Variants in DIAPH3 observed in about 807,000 individuals in gnomAD.
DIAPH3 encodes diaphanous related formin 3, also known as protein diaphanous homolog 3.
A neutral mutation model predicts 144.3 loss-of-function variants in DIAPH3; 117 were observed. That is an observed-to-expected ratio of 0.81 (90% CI 0.70 to 0.95). The LOEUF (loss-of-function observed/expected upper bound fraction) is 0.95. Ranked by LOEUF, DIAPH3 falls within the 40% of genes least tolerant of loss-of-function variation. The pLI is 0.00. For missense variants in DIAPH3, 1,421 were observed against 1,412.7 expected, an observed-to-expected ratio of 1.01 and a Z score of -0.09; for synonymous variants, 519 against 488.9, an observed-to-expected ratio of 1.06 and a Z score of -0.81.
At chr13:59,714,252 T>G (rs568517771) in intron 27 of DIAPH3, among the ~76,000 whole-genome samples, 1 of 147,616 alleles carries the variant, frequency 6.8e-6, no homozygotes, top group East Asian at 2.0e-4. Context: ...CCCAGCTACT[T>G]GGGAGGCTGA....
chr13:60,060,765 C>T (rs1042142920), intron 4 of DIAPH3, among the ~76,000 whole-genome samples: 3 of 151,970 alleles, frequency 2.0e-5, no homozygotes, highest in African/African-American at 7.2e-5. Flanking sequence ...CCTAAATTTA[C>T]TCAACTACCA....
At chr13:60,046,138 A>T (rs1306890021) in intron 4 of DIAPH3, among the ~76,000 whole-genome samples, 1 of 152,202 alleles carries the variant, frequency 6.6e-6, no homozygotes, top group Non-Finnish European at 1.5e-5. Context: ...ATTGAACCAA[A>T]AGATGCCATT....
rs1002183897 is a variant in DIAPH3, at chr13:60,163,736, G to A, written c.31C>T (p.Pro11Ser). The A allele has an allele frequency of 6.9e-6, 11 of 1,605,134 alleles. No individual in the cohort carries two copies. Among genetic ancestry groups the A allele is most frequent in the Admixed American group, 1.7e-5 (1 of 58,912 alleles). The change falls in exon 1 of 28, where the codon CCG (proline) becomes TCG (serine). Residue 11 changes from proline (P) to serine (S), a missense_variant. Pro to Ser is a moderately conservative substitution (Grantham distance 74). Transcript: ENST00000400324. The stretch of plus-strand genomic sequence containing the variant: ...GTCCCAGCGGCTGAGCCTTGGGCCG[G>A]GTGGTGCAGCCGCGGCTGGTGCCGT... MERHQPRLHH[P>S]AQGSAAGTPY...
chr13:59,670,069 G>A (rs191646385), intron 27 of DIAPH3, among the ~76,000 whole-genome samples: 6 of 152,226 alleles, frequency 3.9e-5, no homozygotes, highest in Non-Finnish European at 8.8e-5. Flanking sequence ...GGAGACAAAG[G>A]TAAATAATAA....
chr13:59,827,109 G>A (rs1335926027), intron 24 of DIAPH3, among the ~76,000 whole-genome samples: 1 of 152,052 alleles, frequency 6.6e-6, no homozygotes, highest in Non-Finnish European at 1.5e-5. Context: ...TACCATTCAC[G>A]ACATAGGCAT....
intron 15 of DIAPH3, among the ~76,000 whole-genome samples, chr13:59,972,401 T>C (rs1305211200): frequency 1.3e-5 from 2 of 152,338 alleles, no homozygotes; most frequent in South Asian, 2.1e-4. Context: ...TTTTGTAATA[T>C]GAGTAGCTTC....
At chr13:59,899,858 T>C (rs913579394) in intron 20 of DIAPH3, among the ~76,000 whole-genome samples, 5 of 143,940 alleles carry the variant, frequency 3.5e-5, no homozygotes, top group Admixed American at 1.5e-4. Flanking sequence ...TAAGTCACAG[T>C]TGAAATTTCA....
At chr13:60,031,987 C>T (rs540178888) in intron 5 of DIAPH3, among the ~76,000 whole-genome samples, 8 of 152,086 alleles carry the variant, frequency 5.3e-5, no homozygotes, top group Admixed American at 2.0e-4. Context: ...CATGATCCAC[C>T]GCCTTGGCCT....
At chr13:59,879,839 T>C (rs1170737149) in intron 20 of DIAPH3, among the ~76,000 whole-genome samples, 1 of 152,196 alleles carries the variant, frequency 6.6e-6, no homozygotes, top group Non-Finnish European at 1.5e-5. Flanking sequence ...AATACTGCAA[T>C]ATACTGGGTC....
intron 27 of DIAPH3, among the ~76,000 whole-genome samples, chr13:59,691,224 A>AT (rs1388397570): frequency 6.6e-6 from 1 of 152,082 alleles, no homozygotes; most frequent in Non-Finnish European, 1.5e-5. Context: ...ATCTTTTTGG[A>AT]TTTTCCAAAG....
intron 2 of DIAPH3, among the ~76,000 whole-genome samples, chr13:60,116,406 G>A (rs1354655465): frequency 6.6e-6 from 1 of 151,900 alleles, no homozygotes; most frequent in Non-Finnish European, 1.5e-5. Flanking sequence ...ATGTACATTT[G>A]TACCCTCATT....
At chr13:59,857,090 T>C (rs2043301298) in intron 22 of DIAPH3, among the ~76,000 whole-genome samples, 1 of 152,180 alleles carries the variant, frequency 6.6e-6, no homozygotes, top group Non-Finnish European at 1.5e-5. Flanking sequence ...ATTAAACTAA[T>C]AACTAATACT....
chr13:59,904,232 C>G (rs2046608786), intron 20 of DIAPH3, among the ~76,000 whole-genome samples: 1 of 152,112 alleles, frequency 6.6e-6, no homozygotes, highest in Non-Finnish European at 1.5e-5. Context: ...ATGTTAGGAA[C>G]TGCTTCATTT....
At chr13:60,040,733 C>A (rs1188340562) in intron 5 of DIAPH3, among the ~76,000 whole-genome samples, 2 of 152,100 alleles carry the variant, frequency 1.3e-5, no homozygotes, top group African/African-American at 2.4e-5. Context: ...CCCCCAATAC[C>A]CTTTCTATGT....
At chr13:59,710,169 G>A (rs1310188122) in intron 27 of DIAPH3, among the ~76,000 whole-genome samples, 30 of 150,620 alleles carry the variant, frequency 2.0e-4, no homozygotes, top group African/African-American at 4.6e-4. Flanking sequence ...TGGGTGCAGC[G>A]CACCAGCATG....
intron 17 of DIAPH3, among the ~76,000 whole-genome samples, chr13:59,957,877 T>C (rs1412302409): frequency 6.6e-6 from 1 of 152,152 alleles, no homozygotes; most frequent in Non-Finnish European, 1.5e-5. Flanking sequence ...TTGAATCTTA[T>C]GCTAGGGAAA....
intron 27 of DIAPH3, among the ~76,000 whole-genome samples, chr13:59,695,609 A>G (rs960668800): frequency 6.6e-6 from 1 of 152,192 alleles, no homozygotes; most frequent in African/African-American, 2.4e-5. Context: ...AAGAAGAGAG[A>G]TCTCCAGTCA....
At chr13:60,038,360 A>G (rs2055381553) in intron 5 of DIAPH3, among the ~76,000 whole-genome samples, 1 of 152,172 alleles carries the variant, frequency 6.6e-6, no homozygotes, top group Non-Finnish European at 1.5e-5. Flanking sequence ...CATGTTGATA[A>G]AAATGAGTAC....
intron 17 of DIAPH3, among the ~76,000 whole-genome samples, chr13:59,953,361 C>T (rs7991824): frequency 0.56 from 84,345 of 151,830 alleles, 23,966 homozygotes; most frequent in Admixed American, 0.61. Flanking sequence ...TTTCCAGAAG[C>T]TTCAGCATTT....
Sources: allele counts gnomAD v4.1 joint callset (sites outside exome capture counted in the v4.1 genomes callset), GRCh38; gene constraint gnomAD v4.1.1; transcripts MANE v1.5; gene names NCBI Gene and HGNC (gene_info 2026-07-23, HGNC 2026-07-21).